The following MOK variants were observed in gnomAD, a reference collection of about 807,000 sequenced individuals.
The protein encoded by MOK is MOK protein kinase.
A neutral mutation model predicts 54.2 loss-of-function variants in MOK; 59 were observed. That is an observed-to-expected ratio of 1.09 (90% confidence interval 0.88 to 1.35). MOK has a LOEUF of 1.35. MOK is among the 40% of genes most tolerant of loss of function. The pLI, the probability that MOK is intolerant of heterozygous loss-of-function variation, is 0.00. For synonymous variants in MOK, 210 were observed against 202.7 expected (o/e 1.04, Z -0.31); for missense variants, 517 against 526.2 (o/e 0.98, Z 0.17).
At position 102,229,848 on chromosome 14, in the gene MOK, G is replaced by A. The variant is rs1406329869; in HGVS notation, c.982-191C>T. The A allele has an allele frequency of 2.3e-4, 139 of 594,870 alleles. No homozygotes were observed. The East Asian group carries it at 3.8e-3, about 16-fold the overall frequency. 36.8% of individuals were successfully genotyped at this position (594,870 alleles called of 1,614,324 possible). A position where few individuals can be genotyped will look rare whatever the true frequency, so the allele number is the denominator to read the frequency against. On this transcript the variant is annotated intron_variant, in intron 10 of 11. Coordinates refer to ENST00000361847, the MANE Select transcript of MOK (RefSeq NM_014226.3). The stretch of plus-strand genomic sequence containing the variant: ...CTGCCCACTAGAGTCCCACGGGGGA[G>A]GCCAAACCTTCAGGGGGAACCTGAA...
At chr14:102,303,691 G>C (rs887022647) in intron 1 of MOK, among the ~76,000 whole-genome samples, 2 of 152,138 alleles carry the variant, frequency 1.3e-5, no homozygotes, top group Non-Finnish European at 2.9e-5. Flanking sequence ...CCTTGTTCTT[G>C]GCAGATAACT....
intron 2 of MOK, among the ~76,000 whole-genome samples, chr14:102,268,100 G>C (rs958138052): frequency 6.6e-6 from 1 of 152,060 alleles, no homozygotes; most frequent in Non-Finnish European, 1.5e-5. Context: ...TTTTAGAACC[G>C]GGCAGCCAAA....
chr14:102,219,702 A>G (rs1026251716), downstream of MOK, among the ~76,000 whole-genome samples: 2 of 152,216 alleles, frequency 1.3e-5, no homozygotes, highest in African/African-American at 2.4e-5. Flanking sequence ...GTGCTGCAGC[A>G]TGGGGACCCT....
chr14:102,266,833 T>C (rs2067955888), intron 2 of MOK, among the ~76,000 whole-genome samples: 1 of 152,160 alleles, frequency 6.6e-6, no homozygotes, highest in South Asian at 2.1e-4. Flanking sequence ...CCACCCACCT[T>C]GGCCTCCCAA....
At position 102,233,703 on chromosome 14, in the gene MOK, A is replaced by C; in HGVS notation, c.677T>G (p.Leu226Arg). 6.2e-7 allele frequency: 1 copy of C among 1,613,250 alleles called. No homozygotes were observed. ...CAATACTTACTGTTTGAACTTGGTGAGGATCTTCTGAGCGGGTGTGCCGAT... is the reference window on the plus strand; with the variant it reads ...CAATACTTACTGTTTGAACTTGGTGCGGATCTTCTGAGCGGGTGTGCCGAT... The part of the protein sequence containing the change: ...DVIGTPAQKI[L>R]TKFKQSRAMN... The change falls in exon 8 of 12, where the codon CTC becomes CGC. Residue 226 changes from leucine to arginine, a missense_variant. By Grantham distance (102) the Leu-to-Arg change is moderately radical (BLOSUM62 -2). Transcript: ENST00000361847.
At chr14:102,229,822 G>T in intron 10 of MOK, 165 bp from the exon 11 acceptor site, 2 of 657,528 alleles carry the variant, frequency 3.0e-6, no homozygotes, top group Non-Finnish European at 5.1e-6. Context: ...CAAGGGAGTG[G>T]CTGCCCACTA....
chr14:102,289,212 G>A (rs189653479), intron 1 of MOK, among the ~76,000 whole-genome samples: 1 of 151,814 alleles, frequency 6.6e-6, no homozygotes, highest in African/African-American at 2.4e-5. Context: ...GCCAATTTGT[G>A]CAGTTTTCTG....
intron 7 of MOK, among the ~76,000 whole-genome samples, chr14:102,250,325 C>T (rs1409384110): frequency 1.3e-5 from 2 of 152,162 alleles, no homozygotes; most frequent in Non-Finnish European, 2.9e-5. Context: ...TCTCCTCGTC[C>T]CTGGGCCACT....
the MOK span, chr14:102,215,034 C>T: frequency 2.1e-6 from 2 of 967,170 alleles, no homozygotes; most frequent in African/African-American, 3.5e-5. Context: ...GTCATTTTCA[C>T]ATCTAAGCTT....
intron 3 of MOK, among the ~76,000 whole-genome samples, chr14:102,265,277 G>A (rs2067802946): frequency 6.6e-6 from 1 of 152,192 alleles, no homozygotes; most frequent in South Asian, 2.1e-4. Context: ...TGAACTGTTT[G>A]CATGACGGAT....
downstream of MOK, among the ~76,000 whole-genome samples, chr14:102,220,065 C>T (rs2063714263): frequency 6.6e-6 from 1 of 152,232 alleles, no homozygotes; most frequent in Non-Finnish European, 1.5e-5. The surrounding 1 kb of genome is among the most constrained non-coding windows in gnomAD (Gnocchi z 4.2). Context: ...CGCGTTGGGT[C>T]GCTTTCTAGG....
At chr14:102,273,671 T>C (rs8003089) in intron 2 of MOK, among the ~76,000 whole-genome samples, 33,426 of 151,846 alleles carry the variant, frequency 0.22, 4,599 homozygotes, top group African/African-American at 0.39. Flanking sequence ...CCCAGCTACT[T>C]GGCAGGCTGA....
chr14:102,295,251 A>C (rs978944056), intron 1 of MOK, among the ~76,000 whole-genome samples: 3 of 152,202 alleles, frequency 2.0e-5, no homozygotes, highest in African/African-American at 7.2e-5. Context: ...AAAATAACAG[A>C]GCTGGATGAA....
chr14:102,290,449 AAG>A (rs1311812320), intron 1 of MOK, among the ~76,000 whole-genome samples: 3 of 152,166 alleles, frequency 2.0e-5, no homozygotes, highest in Non-Finnish European at 2.9e-5. Context: ...TCAAAAAAAA[AAG>A]AGAGAAACAA....
chr14:102,219,683 G>A (rs1411712835), downstream of MOK, among the ~76,000 whole-genome samples: 1 of 152,248 alleles, frequency 6.6e-6, no homozygotes, highest in Non-Finnish European at 1.5e-5. Context: ...TGGCCAACGT[G>A]CTTCCTGAGT....
Position 102,232,598 on chromosome 14 carries a change from T to C in MOK, c.803A>G (p.Tyr268Cys), listed in dbSNP as rs903717441. 12 of 1,613,938 alleles carry C rather than the reference T, an allele frequency of 7.4e-6. No homozygotes were observed. In the African/African-American group the frequency reaches 9.3e-5, roughly 13 times the overall value. Reference protein sequence around the residue: ...CLSLLHAMVAYDPDERIAAHQ... With the variant: ...CLSLLHAMVACDPDERIAAHQ... ...GGCGGCGATTCTCTCATCGGGATCA[T>C]AGGCCACCATTGCGTGCAGGAGGGA... Residue 268 changes from tyrosine (Y) to cysteine (C), a missense_variant, in exon 9 of 12, where the codon TAT (tyrosine) becomes TGT (cysteine). Coordinates refer to ENST00000361847, the MANE Select transcript of MOK (RefSeq NM_014226.3). This position sits in a 1 kb window ranked among gnomAD's most constrained non-coding sequence, Gnocchi z 5.1.
chr14:102,218,535 A>C, the MOK span, among the ~76,000 whole-genome samples: 1 of 152,202 alleles, frequency 6.6e-6, no homozygotes, highest in African/African-American at 2.4e-5. Flanking sequence ...CTTTATTGTA[A>C]ATTGTTTTGA....
At chr14:102,281,871 G>A (rs1186470217) in intron 2 of MOK, among the ~76,000 whole-genome samples, 1 of 152,188 alleles carries the variant, frequency 6.6e-6, no homozygotes, top group African/African-American at 2.4e-5. Context: ...GCATAGAGAG[G>A]AAGAAGTGCT....
chr14:102,226,423 C>G, downstream of MOK: 1 of 702,982 alleles, frequency 1.4e-6, no homozygotes, highest in African/African-American at 1.7e-5. This position sits in a 1 kb window ranked among gnomAD's most constrained non-coding sequence, Gnocchi z 4.8. Flanking sequence ...GGGGATAATT[C>G]AAGCGCTTCA....
Sources: gnomAD v4.1 joint callset for allele counts (sites outside exome capture counted in the v4.1 genomes callset) on GRCh38, gnomAD v4.1.1 for gene constraint, Gnocchi (gnomAD v3.1) non-coding constraint, MANE v1.5 for transcripts, NCBI Gene and HGNC (gene_info 2026-07-23, HGNC 2026-07-21) for gene names.